Variants in CACNA1A observed in about 807,000 individuals in gnomAD.
CACNA1A encodes the protein calcium voltage-gated channel subunit alpha1 A.
In CACNA1A, 57 loss-of-function variants were observed where a neutral mutation model predicts 262.4. The ratio of observed to expected loss-of-function variants is 0.22; its 90% CI spans 0.18 to 0.27. CACNA1A has a LOEUF of 0.27. Among genes scored for constraint, CACNA1A ranks in the 10% least tolerant of loss-of-function variants. CACNA1A has a pLI of 1.00. For synonymous variants in CACNA1A, 1,431 were observed against 1,419.3 expected (o/e 1.01, Z -0.18); for missense variants, 2,526 against 3,562.8 (o/e 0.71, Z 7.41).
chr19:13,477,230 C>T (rs1978657986), intron 1 of CACNA1A, among the ~76,000 whole-genome samples: 1 of 152,198 alleles, frequency 6.6e-6, no homozygotes, highest in South Asian at 2.1e-4. Context: ...GCCATCGCCT[C>T]GATAAAGCTC....
At chr19:13,385,982 C>G (rs998646316) in intron 3 of CACNA1A, among the ~76,000 whole-genome samples, 1 of 151,924 alleles carries the variant, frequency 6.6e-6, no homozygotes, top group South Asian at 2.1e-4. Flanking sequence ...CATAAAGAGA[C>G]CCCATCTCTA....
At chr19:13,421,868 T>A (rs1202501248) in intron 3 of CACNA1A, among the ~76,000 whole-genome samples, 2 of 152,148 alleles carry the variant, frequency 1.3e-5, no homozygotes, top group East Asian at 3.8e-4. Flanking sequence ...AGTGTCCTCA[T>A]CCAGATTTGG....
At chr19:13,358,519 TG>T (rs2059046427) in intron 6 of CACNA1A, among the ~76,000 whole-genome samples, 1 of 152,200 alleles carries the variant, frequency 6.6e-6, no homozygotes, top group Non-Finnish European at 1.5e-5. Flanking sequence ...TTGAACAGCA[TG>T]TATAGAATGC....
Position 13,365,507 on chromosome 19 carries a change from G to A in CACNA1A, c.632-38C>T, listed in dbSNP as rs943967816. The A allele has an allele frequency of 2.5e-6, 4 of 1,597,416 alleles. No individual in the cohort carries two copies. In the African/African-American group the frequency reaches 5.4e-5, roughly 22 times the overall value. On this transcript the variant is annotated intron_variant, in intron 4 of 46. Coordinates refer to ENST00000360228, the MANE Select transcript of CACNA1A (RefSeq NM_001127222.2). The stretch of plus-strand genomic sequence containing the variant: ...AGAGAGAGGCCCCATAAGCCCATGA[G>A]CAAGTACCCCCAAACCCCGCCACCA...
chr19:13,277,941 A>C (rs1450428954), intron 22 of CACNA1A: 6 of 152,138 alleles, frequency 3.9e-5, no homozygotes, highest in Non-Finnish European at 4.4e-5. Flanking sequence ...ATAAAAAATT[A>C]GCTGGGCATG....
chr19:13,459,143 A>G (rs2144968221), intron 1 of CACNA1A, among the ~76,000 whole-genome samples: 1 of 152,262 alleles, frequency 6.6e-6, no homozygotes, highest in African/African-American at 2.4e-5. Context: ...AGAGAGATCA[A>G]TTAGTATGTC....
Position 13,276,067 on chromosome 19 carries a change from C to T in CACNA1A, c.3883-111G>A, listed in dbSNP as rs2057140157. 1.8e-5 allele frequency: 12 copies of T among 670,804 alleles called. 1 individual carries two copies. The South Asian group carries it at 1.8e-4, about 10-fold the overall frequency. 41.6% of individuals were successfully genotyped at this position (670,804 alleles called of 1,614,324 possible). ...GAGGCAGGGAAGCCAATGAGGCCAC[C>T]TCATCTTGCAGGGATGGGCAGTGGC... On this transcript the variant is annotated intron_variant, in intron 23 of 46. Coordinates refer to ENST00000360228, the MANE Select transcript of CACNA1A (RefSeq NM_001127222.2).
chr19:13,418,554 C>T (rs972404992), intron 3 of CACNA1A, among the ~76,000 whole-genome samples: 2 of 152,016 alleles, frequency 1.3e-5, no homozygotes, highest in Non-Finnish European at 2.9e-5. Flanking sequence ...TCATATGTAT[C>T]CTTATGACAC....
At chr19:13,216,671 CT>C (rs113400847) in intron 38 of CACNA1A, among the ~76,000 whole-genome samples, 4 of 5,748 alleles carry the variant, frequency 7.0e-4, no homozygotes, top group African/African-American at 2.7e-3. Flanking sequence ...ATCTATCTAT[CT>C]ATCTATCTAT....
At chr19:13,338,077 C>T (rs982841622) in intron 6 of CACNA1A, among the ~76,000 whole-genome samples, 10 of 152,062 alleles carry the variant, frequency 6.6e-5, no homozygotes, top group Admixed American at 4.6e-4. Flanking sequence ...AAAAATTAGC[C>T]GGGCCTGGTG....
At chr19:13,410,587 C>T (rs2060093545) in intron 3 of CACNA1A, among the ~76,000 whole-genome samples, 1 of 149,992 alleles carries the variant, frequency 6.7e-6, no homozygotes, top group Non-Finnish European at 1.5e-5. Context: ...AATCCACTTC[C>T]CCCACCAGCT....
At chr19:13,404,767 G>T (rs1453946154) in intron 3 of CACNA1A, among the ~76,000 whole-genome samples, 1 of 152,186 alleles carries the variant, frequency 6.6e-6, no homozygotes, top group Admixed American at 6.5e-5. Flanking sequence ...GGTGGGTCAT[G>T]ATGCTAAACG....
chr19:13,421,833 A>G (rs563749152), intron 3 of CACNA1A, among the ~76,000 whole-genome samples: 5 of 152,296 alleles, frequency 3.3e-5, no homozygotes, highest in African/African-American at 1.2e-4. Flanking sequence ...GAGAGGATTA[A>G]AACAGGTGCT....
intron 3 of CACNA1A, among the ~76,000 whole-genome samples, chr19:13,415,138 C>T (rs1453065086): frequency 6.6e-6 from 1 of 151,606 alleles, no homozygotes; most frequent in African/African-American, 2.4e-5. Context: ...TTAAAGGAGT[C>T]AGGGCAGAGG....
intron 5 of CACNA1A, chr19:13,364,536 C>G (rs1413249127): frequency 6.6e-6 from 1 of 152,410 alleles, no homozygotes; most frequent in East Asian, 1.9e-4. Flanking sequence ...ACTCTAGGAG[C>G]AGTCCTCACC....
chr19:13,294,248 C>T (rs1453379694), intron 19 of CACNA1A, among the ~76,000 whole-genome samples: 1 of 147,996 alleles, frequency 6.8e-6, no homozygotes, highest in African/African-American at 2.5e-5. Flanking sequence ...AACCAACAAA[C>T]TAAAGGCACA....
At chr19:13,365,151 CT>C in intron 5 of CACNA1A, 165 bp downstream of exon 5, 1 of 546,026 alleles carries the variant, frequency 1.8e-6, no homozygotes, top group South Asian at 3.5e-5. Context: ...CTTTCAACAG[CT>C]AAGATCTCAG....
intron 11 of CACNA1A, chr19:13,315,920 C>G (rs955851451): frequency 2.6e-5 from 4 of 152,142 alleles, no homozygotes; most frequent in South Asian, 2.1e-4. Flanking sequence ...ACCTGCCCCC[C>G]TCACTGCCCA....
chr19:13,384,879 G>A (rs1036411310), intron 3 of CACNA1A, among the ~76,000 whole-genome samples: 3 of 152,122 alleles, frequency 2.0e-5, no homozygotes, highest in Non-Finnish European at 4.4e-5. Context: ...GGTTGAGGGA[G>A]AACAAGAGGA....
Sources: allele counts gnomAD v4.1 joint callset (sites outside exome capture counted in the v4.1 genomes callset), GRCh38; gene constraint gnomAD v4.1.1; transcripts MANE v1.5; gene names NCBI Gene and HGNC (gene_info 2026-07-23, HGNC 2026-07-21).